Variants in INO80E observed in about 807,000 individuals in gnomAD.
INO80E encodes the protein coiled-coil domain containing 95.
INO80E carries 20 observed loss-of-function variants against 27.3 expected under a neutral mutation model. The ratio of observed to expected loss-of-function variants is 0.73; its 90% CI spans 0.51 to 1.06. The LOEUF (loss-of-function observed/expected upper bound fraction) is 1.06, where lower values mean the gene tolerates loss of function less well. Ranked by LOEUF, INO80E falls within the 50% of genes least tolerant of loss-of-function variation. The pLI is 0.00. For synonymous variants in INO80E, 167 were observed against 145.9 expected (o/e 1.14, Z -1.04); for missense variants, 357 against 322.8 (o/e 1.11, Z -0.81).
chr16:30,001,590 G>A, intron 6 of INO80E, 60 bp downstream of exon 6: 2 of 1,509,826 alleles, frequency 1.3e-6, no homozygotes, highest in South Asian at 2.3e-5. Flanking sequence ...TCACCTGAGG[G>A]AGGCTGAAGG....
At chr16:30,004,909 C>T (rs920622184) in intron 6 of INO80E, among the ~76,000 whole-genome samples, 1 of 152,176 alleles carries the variant, frequency 6.6e-6, no homozygotes, top group African/African-American at 2.4e-5. Context: ...GACTCCGCCT[C>T]TGGCTTAACC....
chr16:29,996,681 C>A (rs376449564), intron 2 of INO80E, 64 bp downstream of exon 2: 579 of 1,585,806 alleles, frequency 3.7e-4, no homozygotes, highest in Middle Eastern at 8.3e-4. Flanking sequence ...CGGACCCCAT[C>A]CCCGAGTAGG....
chr16:29,999,024 A>G (rs1234410713), intron 3 of INO80E, among the ~76,000 whole-genome samples: 6 of 151,896 alleles, frequency 4.0e-5, no homozygotes, highest in African/African-American at 1.5e-4. Context: ...CAGCCTGGGC[A>G]ACAGAGCAAG....
chr16:30,005,308 A>ACCCCCCCCCCCCCCCCCCCCCAACCCCCC lies in INO80E; in HGVS notation c.607_608insCCCCCCCCCCCCCCCAACCCCCCCCCCCC (p.Leu203ProfsTer22). 1.9e-6 allele frequency: 1 copy of ACCCCCCCCCCCCCCCCCCCCCAACCCCCC among 521,332 alleles called. No homozygotes were observed. The highest frequency in any genetic ancestry group is 3.0e-6 in the Non-Finnish European group (1 of 335,732). The allele number at this position is 521,332 out of a possible 1,614,324, so 32.3% of individuals were successfully genotyped here. The stretch of plus-strand genomic sequence containing the variant: ...TGGGGCTGGGGTCGGGACAACCCTG[A>ACCCCCCCCCCCCCCCCCCCCCAACCCCCC]CCCCCCTCCCACCCCCTAAGATGCC... On this transcript the variant is annotated frameshift_variant, in exon 7 of 7. Coordinates refer to ENST00000563197, the MANE Select transcript of INO80E (RefSeq NM_173618.3). LOFTEE classifies it high-confidence loss of function.
At chr16:29,998,847 C>T (rs1272081722) in intron 3 of INO80E, among the ~76,000 whole-genome samples, 2 of 152,122 alleles carry the variant, frequency 1.3e-5, no homozygotes, top group African/African-American at 2.4e-5. Flanking sequence ...AGATCGAGAC[C>T]GTCCTGGCTA....
chr16:30,000,886 T>C, intron 4 of INO80E, 43 bp from the exon 5 acceptor site: 1 of 1,610,082 alleles, frequency 6.2e-7, no homozygotes, highest in Non-Finnish European at 8.5e-7. Flanking sequence ...GTGGGGCGCC[T>C]GGGCTCCTAG....
chr16:29,999,862 G>T (rs2070283095), intron 3 of INO80E, among the ~76,000 whole-genome samples: 1 of 152,164 alleles, frequency 6.6e-6, no homozygotes, highest in African/African-American at 2.4e-5. Context: ...TGGGTGGCAC[G>T]GTGAGGTGAG....
In INO80E at chr16:30,001,240, C is replaced by G. The variant is rs1268577666; in HGVS notation, c.397-174C>G. 4.7e-6 allele frequency: 7 copies of G among 1,493,624 alleles called. No homozygotes were observed. The African/African-American group carries it at 8.4e-5, about 18-fold the overall frequency. 92.5% of individuals were successfully genotyped at this position (1,493,624 alleles called of 1,614,324 possible). ...CGGGGCCAGGCCTGACTGAGGAGAG[C>G]AAAGCCCAGGACAGCATCCTGCTGC... On this transcript the variant is annotated intron_variant, in intron 5 of 6. Transcript: ENST00000563197.
intron 6 of INO80E, among the ~76,000 whole-genome samples, chr16:30,005,006 C>T (rs1469686401): frequency 1.3e-5 from 2 of 152,156 alleles, no homozygotes. Context: ...CACCCCCATC[C>T]CCTCATCTCA....
chr16:30,005,551 T>G lies in INO80E; in HGVS notation c.*109T>G. 9.4e-7 allele frequency: 1 copy of G among 1,060,254 alleles called. No individual in the cohort carries two copies. Among genetic ancestry groups the G allele is most frequent in the Non-Finnish European group, 1.4e-6 (1 of 719,556 alleles). 65.7% of individuals were successfully genotyped at this position (1,060,254 alleles called of 1,614,324 possible). A position where few individuals can be genotyped will look rare whatever the true frequency, so the allele number is the denominator to read the frequency against. On this transcript the variant is annotated 3_prime_UTR_variant, in exon 7 of 7. Coordinates refer to ENST00000563197, the MANE Select transcript of INO80E (RefSeq NM_173618.3). ...GTTTATTGATGCCCAGCTGCCATGC[T>G]CCGGCCACTGACACAACCAGAAAAG...
At chr16:29,998,619 G>A (rs956816213) in intron 3 of INO80E, among the ~76,000 whole-genome samples, 1 of 152,098 alleles carries the variant, frequency 6.6e-6, no homozygotes, top group Non-Finnish European at 1.5e-5. Context: ...CCAATAAATT[G>A]ATTTCATGAC....
At chr16:30,005,188 C>G in intron 6 of INO80E, 33 bp from the exon 7 acceptor site, 3 of 1,441,724 alleles carry the variant, frequency 2.1e-6, no homozygotes, top group East Asian at 2.7e-5. Flanking sequence ...GCCTCCCTGA[C>G]TAGTCCCCCT....
At chr16:29,998,303 A>C (rs1441141347) in intron 3 of INO80E, among the ~76,000 whole-genome samples, 4 of 151,716 alleles carry the variant, frequency 2.6e-5, no homozygotes, top group East Asian at 1.9e-4. Flanking sequence ...AAAAAAAAAA[A>C]AAACAAAAAC....
chr16:30,001,698 T>C (rs1427394318), intron 6 of INO80E, 168 bp downstream of exon 6: 2 of 642,740 alleles, frequency 3.1e-6, no homozygotes, highest in Middle Eastern at 4.3e-4. Context: ...TACAGGCTTG[T>C]ATGGAGACAA....
At chr16:29,998,090 C>T (rs914500177) in intron 3 of INO80E, among the ~76,000 whole-genome samples, 1 of 151,976 alleles carries the variant, frequency 6.6e-6, no homozygotes, top group African/African-American at 2.4e-5. Context: ...AAGAAAGAAA[C>T]CCCATCCTGG....
intron 3 of INO80E, among the ~76,000 whole-genome samples, chr16:30,000,130 A>G (rs2070291884): frequency 6.6e-6 from 1 of 152,088 alleles, no homozygotes; most frequent in South Asian, 2.1e-4. Context: ...TCATGTGACA[A>G]GTGGAGGTGC....
chr16:30,001,370 CG>C lies in INO80E; in HGVS notation c.397-42del, dbSNP rs2070345961. The C allele has an allele frequency of 7.8e-6, 12 of 1,545,364 alleles. No homozygotes were observed. The South Asian group carries it at 1.3e-4, about 17-fold the overall frequency. Reference sequence around the variant, plus strand: ...TGCATTTCTTCCCCCACCCTCACCCCGGTCCATTCCGCCTCCCATCTCCATC... The same window carrying C: ...TGCATTTCTTCCCCCACCCTCACCCCGTCCATTCCGCCTCCCATCTCCATC... On this transcript the variant is annotated intron_variant, in intron 5 of 6. Transcript: ENST00000563197.
rs935496132 is a variant in INO80E, at chr16:30,003,199, C to T, written c.513+1669C>T. Reference sequence around the variant, plus strand: ...GAGGGTGGCCCAGGTCCATGGCTGTCGGGGGAGGTGGGGAGAAGCCAGGAA... The same window carrying T: ...GAGGGTGGCCCAGGTCCATGGCTGTTGGGGGAGGTGGGGAGAAGCCAGGAA... On this transcript the variant is annotated intron_variant, in intron 6 of 6. Coordinates refer to ENST00000563197, the MANE Select transcript of INO80E (RefSeq NM_173618.3). The surrounding 1 kb of genome is among the most constrained non-coding windows in gnomAD (Gnocchi z 4.4). 2.0e-5 allele frequency: 3 copies of T among 151,490 alleles called. No homozygotes were observed. Among genetic ancestry groups the T allele is most frequent in the Non-Finnish European group, 4.4e-5 (3 of 68,036 alleles). The allele number at this position is 151,490 out of a possible 1,614,324, so 9.4% of individuals were successfully genotyped here.
At chr16:29,996,743 C>T in intron 2 of INO80E, 65 bp from the exon 3 acceptor site, 5 of 1,596,714 alleles carry the variant, frequency 3.1e-6, no homozygotes, top group Admixed American at 1.7e-5. Flanking sequence ...CTGGGAGGGA[C>T]AGGTACCCAG....
Sources: gnomAD v4.1 joint callset for allele counts (sites outside exome capture counted in the v4.1 genomes callset) on GRCh38, gnomAD v4.1.1 for gene constraint, Gnocchi (gnomAD v3.1) non-coding constraint, MANE v1.5 for transcripts, NCBI Gene and HGNC (gene_info 2026-07-23, HGNC 2026-07-21) for gene names.